The following RBFOX1 variants were observed in gnomAD, a reference collection of about 807,000 sequenced individuals.
The protein encoded by RBFOX1 is RNA binding protein fox-1 homolog 1.
In RBFOX1, 8 loss-of-function variants were observed where a neutral mutation model predicts 57.7. That is an observed-to-expected ratio of 0.14 (90% CI 0.08 to 0.25). The LOEUF (loss-of-function observed/expected upper bound fraction) is 0.25. Ranked by LOEUF, RBFOX1 falls within the 10% of genes least tolerant of loss-of-function variation. RBFOX1 has a pLI of 1.00. For synonymous variants in RBFOX1, 326 were observed against 222.4 expected (o/e 1.47, Z -4.15); for missense variants, 611 against 548.5 (o/e 1.11, Z -1.14).
At chr16:5,527,408 G>A (rs766546809) in intron 2 of RBFOX1, among the ~76,000 whole-genome samples, 2 of 152,226 alleles carry the variant, frequency 1.3e-5, no homozygotes, top group African/African-American at 2.4e-5. Flanking sequence ...TGCAGGTGAG[G>A]ATGGCAATCT....
chr16:6,140,986 G>C (rs573095293), intron 1 of RBFOX1, among the ~76,000 whole-genome samples: 59 of 152,258 alleles, frequency 3.9e-4, no homozygotes, highest in Admixed American at 7.8e-4. Context: ...AGCGTCAGAG[G>C]ACACTGACCC....
intron 3 of RBFOX1, among the ~76,000 whole-genome samples, chr16:6,668,356 T>C (rs1283669250): frequency 6.6e-6 from 1 of 152,134 alleles, no homozygotes; most frequent in Non-Finnish European, 1.5e-5. Context: ...CCAGGTATAG[T>C]TTAGTTGTTT....
rs137873966 is a variant in RBFOX1 at position 7,079,283 on chromosome 16, A to C, written c.27+27185A>C. ...TGGCTCTGCCCCAACTGGAGCTTGCAAACTGAGGGTTGGGCAGGGGAGGTT... is the reference window on the plus strand; with the variant it reads ...TGGCTCTGCCCCAACTGGAGCTTGCCAACTGAGGGTTGGGCAGGGGAGGTT... On this transcript the variant is annotated intron_variant, in intron 4 of 15. Transcript: ENST00000550418. Among the ~76,000 whole-genome samples the C allele has an allele frequency of 2.8e-4, 42 of 152,286 alleles. 1 individual carries two copies. In the East Asian group the frequency reaches 6.0e-3, roughly 22 times the overall value.
chr16:7,578,888 C>G (rs1030353546), intron 5 of RBFOX1, among the ~76,000 whole-genome samples: 1 of 152,092 alleles, frequency 6.6e-6, no homozygotes, highest in Non-Finnish European at 1.5e-5. Context: ...TCGTTCCTGC[C>G]AAATATGTGG....
chr16:5,872,757 G>C lies in RBFOX1; in HGVS notation c.351+5422G>C, dbSNP rs947549422. On this transcript the variant is annotated intron_variant, in intron 4 of 19. Coordinates refer to the RBFOX1 transcript ENST00000641259. ...TCTTAAAAAAAAAGAAAAAAAGAAA[G>C]AAAATAATACAATGCTTAAGACAGA... Among the ~76,000 whole-genome samples the C allele has an allele frequency of 6.6e-5, 10 of 151,870 alleles. 1 individual carries two copies. Among genetic ancestry groups the C allele is most frequent in the African/African-American group, 2.4e-4 (10 of 41,350 alleles).
At chr16:5,767,279 A>G (rs35184208) in intron 3 of RBFOX1, among the ~76,000 whole-genome samples, 3,554 of 152,280 alleles carry the variant, frequency 0.023, 138 homozygotes, top group African/African-American at 0.079. Flanking sequence ...CAGGGAGATG[A>G]GGCGGAGAGC....
chr16:5,702,109 T>C (rs7194501), intron 3 of RBFOX1, among the ~76,000 whole-genome samples: 8 of 152,104 alleles, frequency 5.3e-5, no homozygotes, highest in Non-Finnish European at 1.0e-4. Context: ...TCTGTATTTA[T>C]CCCATTCTCA....
chr16:6,351,374 T>TATATATATATATATA (rs1484529098), intron 2 of RBFOX1, among the ~76,000 whole-genome samples: 1 of 50,684 alleles, frequency 2.0e-5, no homozygotes, highest in African/African-American at 9.3e-5. Context: ...ATATATATAT[T>TATATATATATATATA]TTTTTTTTTT....
At position 5,757,465 on chromosome 16, in the gene RBFOX1, T is replaced by C. The variant is rs138221802; in HGVS notation, c.319-109838T>C. Among the ~76,000 whole-genome samples, 482 of 152,048 alleles carry C rather than the reference T, an allele frequency of 3.2e-3. 4 individuals carry two copies. The highest frequency in any genetic ancestry group is 0.017 in the Middle Eastern group (5 of 294). ...CGGGATGGTCTCGATCTCTTGACCT[T>C]GTGATCTGCCCTCCTCAGCCTCCAA... On this transcript the variant is annotated intron_variant, in intron 3 of 19. Coordinates refer to the RBFOX1 transcript ENST00000641259.
At chr16:7,461,312 T>C (rs2059543290) in intron 4 of RBFOX1, among the ~76,000 whole-genome samples, 1 of 151,960 alleles carries the variant, frequency 6.6e-6, no homozygotes, top group Non-Finnish European at 1.5e-5. Flanking sequence ...GGATTACAGA[T>C]ATGTGCCACC....
chr16:6,741,174 TAATAATAATA>T (rs2071969826), intron 3 of RBFOX1, among the ~76,000 whole-genome samples: 1 of 152,040 alleles, frequency 6.6e-6, no homozygotes, highest in African/African-American at 2.4e-5. Context: ...ATAGGCAAAA[TAATAATAATA>T]AATAATAAAT....
chr16:6,518,036 T>G (rs575597232), intron 2 of RBFOX1, among the ~76,000 whole-genome samples: 6 of 152,322 alleles, frequency 3.9e-5, no homozygotes, highest in African/African-American at 1.4e-4. Flanking sequence ...GAAGTTCTTG[T>G]CTGTCTTTGT....
At chr16:6,994,945 T>TTGTGTGTGTG (rs145095044) in intron 3 of RBFOX1, among the ~76,000 whole-genome samples, 1,554 of 148,088 alleles carry the variant, frequency 0.01, 16 homozygotes, top group African/African-American at 0.027. Context: ...TTGCATTATT[T>TTGTGTGTGTG]TGTGTGTGTG....
chr16:7,285,769 T>C (rs1031945754), intron 4 of RBFOX1, among the ~76,000 whole-genome samples: 1 of 152,232 alleles, frequency 6.6e-6, no homozygotes, highest in African/African-American at 2.4e-5. Flanking sequence ...ACAGTTTGTT[T>C]AACCATTCAT....
chr16:6,227,543 A>C (rs965955893), intron 1 of RBFOX1, among the ~76,000 whole-genome samples: 1 of 152,140 alleles, frequency 6.6e-6, no homozygotes, highest in Non-Finnish European at 1.5e-5. Context: ...GGGTAGGGAC[A>C]GAAGTGAGCT....
At chr16:7,053,454 T>G (rs1255520299) in intron 4 of RBFOX1, among the ~76,000 whole-genome samples, 2 of 152,192 alleles carry the variant, frequency 1.3e-5, no homozygotes, top group Non-Finnish European at 2.9e-5. Context: ...CAACTTTAGA[T>G]TTCTCTTGCT....
intron 1 of RBFOX1, among the ~76,000 whole-genome samples, chr16:6,198,802 A>G (rs1028546624): frequency 6.6e-6 from 1 of 152,128 alleles, no homozygotes; most frequent in Admixed American, 6.6e-5. Flanking sequence ...TAATACTAAT[A>G]TAAACAAAAT....
chr16:5,280,623 C>A (rs1267592456), intron 1 of RBFOX1, among the ~76,000 whole-genome samples: 4 of 152,150 alleles, frequency 2.6e-5, no homozygotes, highest in African/African-American at 7.2e-5. Flanking sequence ...CATTTTGGGT[C>A]AGTTCAGGTT....
chr16:7,375,700 C>T (rs1596816326), intron 4 of RBFOX1, among the ~76,000 whole-genome samples: 1 of 151,956 alleles, frequency 6.6e-6, no homozygotes, highest in Admixed American at 6.6e-5. Context: ...AAAGTTTGTC[C>T]TGAGAGCACC....
Sources: allele counts gnomAD v4.1 joint callset (sites outside exome capture counted in the v4.1 genomes callset), GRCh38; gene constraint gnomAD v4.1.1; transcripts MANE v1.5; gene names NCBI Gene and HGNC (gene_info 2026-07-23, HGNC 2026-07-21).